The following OR56B2 variants were observed in gnomAD, a reference collection of about 807,000 sequenced individuals.
The protein encoded by OR56B2 is olfactory receptor family 56 subfamily B member 2.
At chr11:5,762,698 A>G in the OR56B2 span, among the ~76,000 whole-genome samples, 2 of 152,218 alleles carry the variant, frequency 1.3e-5, no homozygotes, top group East Asian at 3.9e-4. Flanking sequence ...GCATCAAAGT[A>G]TCACATGTAC....
chr11:5,767,235 G>C, the OR56B2 span: 1 of 138,590 alleles, frequency 7.2e-6, no homozygotes, highest in Admixed American at 7.5e-5. Context: ...CCATCTCCCA[G>C]AGAACTGATC....
the OR56B2 span, among the ~76,000 whole-genome samples, chr11:5,764,150 A>T: frequency 7.1e-6 from 1 of 141,032 alleles, no homozygotes; most frequent in Non-Finnish European, 1.6e-5. Context: ...AGCACAAGTA[A>T]AACATTTCAT....
the OR56B2 span, among the ~76,000 whole-genome samples, chr11:5,764,695 A>G: frequency 1.4e-5 from 2 of 139,590 alleles, 1 homozygote; most frequent in African/African-American, 5.2e-5. Context: ...AAAAACCACT[A>G]CTCTGAGTTT....
chr11:5,766,516 A>G, the OR56B2 span: 1 of 139,952 alleles, frequency 7.1e-6, no homozygotes, highest in East Asian at 2.1e-4. Context: ...TTTGCAAAGG[A>G]CTTGAATAGA....
At chr11:5,764,190 A>T in the OR56B2 span, among the ~76,000 whole-genome samples, 2 of 141,344 alleles carry the variant, frequency 1.4e-5, no homozygotes, top group African/African-American at 5.2e-5. Flanking sequence ...TTTAATTCAA[A>T]TATTAACAAA....
chr11:5,763,677 A>G, the OR56B2 span, among the ~76,000 whole-genome samples: 3 of 140,318 alleles, frequency 2.1e-5, 1 homozygote, highest in Admixed American at 7.3e-5. Flanking sequence ...TACAAGACTC[A>G]TGGACATAAA....
At chr11:5,761,684 C>A in the OR56B2 span, among the ~76,000 whole-genome samples, 1 of 152,110 alleles carries the variant, frequency 6.6e-6, no homozygotes, top group Non-Finnish European at 1.5e-5. Context: ...TCTTTCTTAG[C>A]TTGCTGACAC....
At chr11:5,763,800 G>T in the OR56B2 span, among the ~76,000 whole-genome samples, 1 of 139,574 alleles carries the variant, frequency 7.2e-6, no homozygotes, top group African/African-American at 2.6e-5. Flanking sequence ...CACGCCTTTA[G>T]GTTTCTATGG....
chr11:5,767,252 T>C, the OR56B2 span: 4 of 139,072 alleles, frequency 2.9e-5, no homozygotes, highest in East Asian at 6.3e-4. Context: ...GATCCAGTTA[T>C]GTAACAGAGA....
chr11:5,763,527 T>C, the OR56B2 span, among the ~76,000 whole-genome samples: 3 of 139,936 alleles, frequency 2.1e-5, 1 homozygote, highest in African/African-American at 7.8e-5. Context: ...TTGGCCAGGA[T>C]GGTCTCAATC....
At chr11:5,762,505 T>C in the OR56B2 span, among the ~76,000 whole-genome samples, 1 of 152,222 alleles carries the variant, frequency 6.6e-6, no homozygotes, top group East Asian at 1.9e-4. Context: ...CTTCTTTATG[T>C]ATTTATGATC....
At chr11:5,763,829 C>T in the OR56B2 span, among the ~76,000 whole-genome samples, 1 of 140,132 alleles carries the variant, frequency 7.1e-6, no homozygotes, top group South Asian at 2.3e-4. Flanking sequence ...TATATCAACT[C>T]AATGACCTAC....
At chr11:5,762,204 A>AT in the OR56B2 span, among the ~76,000 whole-genome samples, 464 of 151,770 alleles carry the variant, frequency 3.1e-3, 3 homozygotes, top group African/African-American at 0.011. Flanking sequence ...TGCCACATGT[A>AT]TTTTTTTTCT....
At chr11:5,763,551 A>C in the OR56B2 span, among the ~76,000 whole-genome samples, 1 of 139,848 alleles carries the variant, frequency 7.2e-6, no homozygotes, top group Non-Finnish European at 1.6e-5. Context: ...TGACCTCCTG[A>C]TCCGCCTGCC....
At chr11:5,764,688 A>T in the OR56B2 span, among the ~76,000 whole-genome samples, 21 of 139,952 alleles carry the variant, frequency 1.5e-4, 4 homozygotes, top group Admixed American at 5.9e-4. Flanking sequence ...ATGCATAAAA[A>T]ACCACTACTC....
chr11:5,766,089 T>A, the OR56B2 span: 1 of 140,408 alleles, frequency 7.1e-6, no homozygotes, highest in Admixed American at 7.3e-5. Flanking sequence ...TTTTTGAAAA[T>A]TTTCTTCACA....
chr11:5,762,463 C>G, the OR56B2 span, among the ~76,000 whole-genome samples: 1 of 152,038 alleles, frequency 6.6e-6, no homozygotes, highest in Non-Finnish European at 1.5e-5. Flanking sequence ...ACTTCTCACT[C>G]ATTACCCAAA....
At chr11:5,761,912 C>A in the OR56B2 span, among the ~76,000 whole-genome samples, 1 of 152,052 alleles carries the variant, frequency 6.6e-6, no homozygotes, top group African/African-American at 2.4e-5. Context: ...TAGGGCCACA[C>A]AGAATTTCAT....
chr11:5,762,002 G>T, the OR56B2 span, among the ~76,000 whole-genome samples: 1 of 152,010 alleles, frequency 6.6e-6, no homozygotes, highest in East Asian at 1.9e-4. Context: ...GGAAATACTA[G>T]AATTGGAAAG....
Sources: allele counts gnomAD v4.1 joint callset (sites outside exome capture counted in the v4.1 genomes callset), GRCh38; gene constraint gnomAD v4.1.1; transcripts MANE v1.5; gene names NCBI Gene and HGNC (gene_info 2026-07-23, HGNC 2026-07-21).